Variants in PTPRJ observed in about 807,000 individuals in gnomAD.
The protein encoded by PTPRJ is protein tyrosine phosphatase receptor type J.
PTPRJ carries 129 observed loss-of-function variants against 141.3 expected under a neutral mutation model. The observed-to-expected ratio is 0.91, with a 90% confidence interval of 0.79 to 1.06. PTPRJ has a LOEUF of 1.06. PTPRJ is among the 50% of genes least tolerant of loss of function. The probability of loss-of-function intolerance (pLI) is 0.00; values close to 1 mark genes in which losing one functional copy is unlikely to be tolerated. For synonymous variants in PTPRJ, 610 were observed against 640.5 expected, an observed-to-expected ratio of 0.95 and a Z score of 0.72; for missense variants, 1,601 against 1,679.7, an observed-to-expected ratio of 0.95 and a Z score of 0.82.
chr11:48,039,337 T>TAA (rs573653186), intron 1 of PTPRJ, among the ~76,000 whole-genome samples: 59 of 143,628 alleles, frequency 4.1e-4, no homozygotes, highest in African/African-American at 1.5e-3. Context: ...TTAGAGAGGT[T>TAA]AAAAAAAAAA....
chr11:48,058,312 C>T (rs911778572), intron 1 of PTPRJ, among the ~76,000 whole-genome samples: 1 of 152,138 alleles, frequency 6.6e-6, no homozygotes, highest in Non-Finnish European at 1.5e-5. Context: ...TCAAGCAATC[C>T]TCCTGCCTCC....
chr11:48,130,453 G>T lies in PTPRJ; in HGVS notation c.1358-6G>T. The T allele has an allele frequency of 6.2e-7, 1 of 1,605,464 alleles. No individual in the cohort carries two copies. Among genetic ancestry groups the T allele is most frequent in the Non-Finnish European group, 8.5e-7 (1 of 1,174,454 alleles). Reference sequence around the variant, plus strand: ...TTTAATCTAGTTGTTTACTTTCTTTGCATAGCCCCTGTTCCAGTTTCTGAC... The same window carrying T: ...TTTAATCTAGTTGTTTACTTTCTTTTCATAGCCCCTGTTCCAGTTTCTGAC... On this transcript the variant is annotated splice_region_variant and splice_polypyrimidine_tract_variant and intron_variant, in intron 7 of 24. Transcript: ENST00000418331.
intron 1 of PTPRJ, among the ~76,000 whole-genome samples, chr11:47,999,384 C>T (rs1306436988): frequency 6.6e-6 from 1 of 152,194 alleles, no homozygotes; most frequent in Non-Finnish European, 1.5e-5. Context: ...AAGAGTTGCA[C>T]CTTTGAGCAA....
intron 1 of PTPRJ, among the ~76,000 whole-genome samples, chr11:48,095,875 C>A (rs1855991168): frequency 6.6e-6 from 1 of 152,160 alleles, no homozygotes; most frequent in Admixed American, 6.5e-5. Flanking sequence ...GCCACCATGC[C>A]CTGCCTCAAG....
Position 48,106,283 on chromosome 11 carries a change from C to A in PTPRJ, c.97-3775C>A, listed in dbSNP as rs116501101. Among the ~76,000 whole-genome samples, 1,510 of 152,182 alleles carry A rather than the reference C, an allele frequency of 9.9e-3. 23 individuals carry two copies. Among genetic ancestry groups the A allele is most frequent in the African/African-American group, 0.034 (1,426 of 41,498 alleles). ...AGAAGCAAAACCAAAAATACACGGC[C>A]GTAGATACAACCCTGTTCTGGTACT... On this transcript the variant is annotated intron_variant, in intron 1 of 24. Coordinates refer to ENST00000418331, the MANE Select transcript of PTPRJ (RefSeq NM_002843.4).
At chr11:48,137,710 G>A (rs1857138024) in intron 10 of PTPRJ, among the ~76,000 whole-genome samples, 1 of 152,170 alleles carries the variant, frequency 6.6e-6, no homozygotes, top group South Asian at 2.1e-4. Flanking sequence ...GGAGGCTGGA[G>A]GAAGAGCAGG....
At chr11:48,093,418 G>A (rs1855920687) in intron 1 of PTPRJ, among the ~76,000 whole-genome samples, 1 of 152,152 alleles carries the variant, frequency 6.6e-6, no homozygotes. Flanking sequence ...TAGCATTGGT[G>A]ACCATCCATG....
rs1002159076 is a variant in PTPRJ at position 48,000,982 on chromosome 11, A to ATT, written c.96+19997_96+19998dup. 3.1e-3 allele frequency among the ~76,000 whole-genome samples: 378 copies of ATT among 122,846 alleles called. 1 individual carries two copies. The highest frequency in any genetic ancestry group is 7.5e-3 in the African/African-American group (239 of 31,712). 80.6% of individuals were successfully genotyped at this position (122,846 alleles called of 152,430 possible). The stretch of plus-strand genomic sequence containing the variant: ...GGACCTCCTCTTCCAGTCCCATATA[A>ATT]TTTTTTTTTTTTTTTTTTTTTTTTA... On this transcript the variant is annotated intron_variant, in intron 1 of 24. Coordinates refer to ENST00000418331, the MANE Select transcript of PTPRJ (RefSeq NM_002843.4).
chr11:47,984,371 G>T (rs1407708688), intron 1 of PTPRJ, among the ~76,000 whole-genome samples: 1 of 152,152 alleles, frequency 6.6e-6, no homozygotes, highest in Non-Finnish European at 1.5e-5. Context: ...TCTTGGGCTA[G>T]GGAATTATTT....
At chr11:48,150,483 G>A (rs1024642065) in intron 18 of PTPRJ, among the ~76,000 whole-genome samples, 4 of 152,156 alleles carry the variant, frequency 2.6e-5, no homozygotes, top group African/African-American at 9.7e-5. Flanking sequence ...TGTCTACCTT[G>A]GACTACTCCT....
At position 48,163,468 on chromosome 11, in the gene PTPRJ, G is replaced by A. The variant is rs1857835700; in HGVS notation, c.3569G>A (p.Ser1190Asn). The A allele has an allele frequency of 6.2e-7, 1 of 1,614,042 alleles. No homozygotes were observed. The highest frequency in any genetic ancestry group is 8.5e-7 in the Non-Finnish European group (1 of 1,179,954). ...TTTCTGGGCTTTTAGATCCAGACAAGTGAGAGTCACCCTCTGAGACAGTTC... is the reference window on the plus strand; with the variant it reads ...TTTCTGGGCTTTTAGATCCAGACAAATGAGAGTCACCCTCTGAGACAGTTC... ...RDFTVKNIQT[S>N]ESHPLRQFHF... Residue 1190 changes from serine (S) to asparagine (N), a missense_variant, in exon 23 of 25, where the codon AGT becomes AAT. Transcript: ENST00000418331.
At chr11:48,033,287 G>T (rs775658222) in intron 1 of PTPRJ, among the ~76,000 whole-genome samples, 5 of 152,066 alleles carry the variant, frequency 3.3e-5, no homozygotes, top group Non-Finnish European at 5.9e-5. Context: ...GGGGTGGAGT[G>T]GGGTGGGGTG....
At chr11:48,044,889 G>A (rs1352745814) in intron 1 of PTPRJ, 2 of 152,240 alleles carry the variant, frequency 1.3e-5, no homozygotes, top group African/African-American at 4.8e-5. Flanking sequence ...ATAAGTGTTT[G>A]CTGAGTGAAT....
At position 48,119,352 on chromosome 11, in the gene PTPRJ, C is replaced by A. The variant is rs529850620; in HGVS notation, c.353-1651C>A. ...TTGAATTGTGGGGCACAAGATGCTTCCCTGCTTGTTCCATTTTCCTTTCTC... is the reference window on the plus strand; with the variant it reads ...TTGAATTGTGGGGCACAAGATGCTTACCTGCTTGTTCCATTTTCCTTTCTC... On this transcript the variant is annotated intron_variant, in intron 3 of 24. Coordinates refer to ENST00000418331, the MANE Select transcript of PTPRJ (RefSeq NM_002843.4). Among the ~76,000 whole-genome samples the A allele has an allele frequency of 2.0e-5, 3 of 152,266 alleles. No homozygotes were observed. The South Asian group carries it at 6.2e-4, about 32-fold the overall frequency.
intron 1 of PTPRJ, among the ~76,000 whole-genome samples, chr11:48,056,718 C>T (rs548317333): frequency 5.9e-5 from 9 of 152,066 alleles, no homozygotes; most frequent in Non-Finnish European, 5.9e-5. Context: ...TTTGGGAGGC[C>T]GAGGTAGGCG....
At chr11:48,122,280 G>A (rs1023136202) in intron 4 of PTPRJ, among the ~76,000 whole-genome samples, 2 of 152,140 alleles carry the variant, frequency 1.3e-5, no homozygotes, top group Non-Finnish European at 2.9e-5. Context: ...GAGAATGAGA[G>A]AAAAGAGCAT....
intron 1 of PTPRJ, among the ~76,000 whole-genome samples, chr11:48,090,957 G>T (rs771572152): frequency 6.6e-6 from 1 of 152,194 alleles, no homozygotes; most frequent in Non-Finnish European, 1.5e-5. Context: ...CAAAGGATGA[G>T]TATGGGGAGG....
chr11:48,139,439 A>G, intron 10 of PTPRJ, 47 bp from the exon 11 acceptor site: 2 of 1,592,604 alleles, frequency 1.3e-6, no homozygotes, highest in Non-Finnish European at 1.7e-6. Flanking sequence ...CATGTTTGCA[A>G]AGGCAAAAGT....
intron 3 of PTPRJ, among the ~76,000 whole-genome samples, chr11:48,119,849 C>T (rs1054528325): frequency 2.0e-5 from 3 of 152,232 alleles, no homozygotes; most frequent in African/African-American, 7.2e-5. Flanking sequence ...AGAATGACTG[C>T]CGTATCACCT....
Sources: allele counts gnomAD v4.1 joint callset (sites outside exome capture counted in the v4.1 genomes callset), GRCh38; gene constraint gnomAD v4.1.1; transcripts MANE v1.5; gene names NCBI Gene and HGNC (gene_info 2026-07-23, HGNC 2026-07-21).